The following ZNF385D variants were observed in gnomAD, a reference collection of about 807,000 sequenced individuals.
ZNF385D encodes zinc finger protein 385D.
ZNF385D carries 15 observed loss-of-function variants against 35.8 expected under a neutral mutation model. The observed-to-expected ratio is 0.42, with a 90% confidence interval of 0.28 to 0.64. The LOEUF is 0.64. Ranked by LOEUF, ZNF385D falls within the 30% of genes least tolerant of loss-of-function variation. ZNF385D has a pLI of 0.23. For missense variants in ZNF385D, 474 were observed against 494.6 expected, an observed-to-expected ratio of 0.96 and a Z score of 0.39; for synonymous variants, 212 against 186.8, an observed-to-expected ratio of 1.13 and a Z score of -1.10.
intron 3 of ZNF385D, among the ~76,000 whole-genome samples, chr3:21,550,861 C>A (rs2062543684): frequency 6.6e-6 from 1 of 152,170 alleles, no homozygotes; most frequent in African/African-American, 2.4e-5. Context: ...GGAGGGCTAT[C>A]AGGCCTTCAA....
intron 2 of ZNF385D, among the ~76,000 whole-genome samples, chr3:22,307,366 C>A (rs1038441566): frequency 1.3e-5 from 2 of 152,158 alleles, no homozygotes; most frequent in East Asian, 3.9e-4. Context: ...GAGTTTTAAT[C>A]ACAGAATTGA....
At chr3:21,611,837 G>C (rs1402948331) in intron 2 of ZNF385D, among the ~76,000 whole-genome samples, 1 of 151,956 alleles carries the variant, frequency 6.6e-6, no homozygotes, top group Non-Finnish European at 1.5e-5. Context: ...ACCAAGACCT[G>C]AGACCTGAGC....
In ZNF385D at chr3:22,001,154, G is replaced by A. The variant is rs563597466; in HGVS notation, c.325+167663C>T. Among the ~76,000 whole-genome samples the A allele has an allele frequency of 3.9e-5, 6 of 152,008 alleles. No homozygotes were observed. The East Asian group carries it at 7.7e-4, about 20-fold the overall frequency. The stretch of plus-strand genomic sequence containing the variant: ...AATAAGTCCTCACCTACCAATAATC[G>A]TCTTGAATATAAACAGACTAAATTC... On this transcript the variant is annotated intron_variant, in intron 3 of 5. Coordinates refer to the ZNF385D transcript ENST00000494108.
At chr3:21,720,262 T>A (rs34828563) in intron 1 of ZNF385D, among the ~76,000 whole-genome samples, 44,358 of 152,096 alleles carry the variant, frequency 0.29, 6,994 homozygotes, top group South Asian at 0.43. Flanking sequence ...GGGAAACTTG[T>A]TAGAAATACA....
chr3:21,998,224 G>A (rs913128528), intron 3 of ZNF385D, among the ~76,000 whole-genome samples: 2 of 152,020 alleles, frequency 1.3e-5, no homozygotes, highest in African/African-American at 4.8e-5. Context: ...TATAAATGTA[G>A]CCAGGCAGCA....
At chr3:21,942,304 T>C (rs1701562482) in intron 3 of ZNF385D, among the ~76,000 whole-genome samples, 1 of 152,226 alleles carries the variant, frequency 6.6e-6, no homozygotes, top group Non-Finnish European at 1.5e-5. Flanking sequence ...TAGATTTGAA[T>C]TCTTTCCCTA....
At chr3:22,304,910 A>G (rs1703120506) in intron 2 of ZNF385D, among the ~76,000 whole-genome samples, 1 of 151,908 alleles carries the variant, frequency 6.6e-6, no homozygotes. Flanking sequence ...TAATTCATTT[A>G]TTTTCCTTAT....
At chr3:21,544,303 A>C (rs1230176621) in intron 3 of ZNF385D, among the ~76,000 whole-genome samples, 3 of 152,230 alleles carry the variant, frequency 2.0e-5, no homozygotes, top group African/African-American at 7.2e-5. Flanking sequence ...AGAAGGCAAA[A>C]CGTGGCTGCA....
chr3:21,557,972 TG>T (rs2062800056), intron 3 of ZNF385D, among the ~76,000 whole-genome samples: 1 of 152,216 alleles, frequency 6.6e-6, no homozygotes, highest in Non-Finnish European at 1.5e-5. Flanking sequence ...GATGGTAGTT[TG>T]TATTTCTGTG....
chr3:22,165,300 C>T (rs762066501), intron 3 of ZNF385D, among the ~76,000 whole-genome samples: 8 of 152,094 alleles, frequency 5.3e-5, no homozygotes, highest in Non-Finnish European at 1.0e-4. Context: ...TGCTTGAACA[C>T]GAAACTATTC....
intron 2 of ZNF385D, among the ~76,000 whole-genome samples, chr3:21,652,854 A>G (rs1195478644): frequency 6.6e-6 from 1 of 152,224 alleles, no homozygotes; most frequent in Non-Finnish European, 1.5e-5. Flanking sequence ...TATAGATGAT[A>G]TACTAAATAA....
intron 3 of ZNF385D, among the ~76,000 whole-genome samples, chr3:21,813,741 G>T (rs947825154): frequency 1.4e-4 from 21 of 152,328 alleles, no homozygotes; most frequent in African/African-American, 5.1e-4. Flanking sequence ...GTACCTGACA[G>T]TGACGGGGAG....
intron 3 of ZNF385D, among the ~76,000 whole-genome samples, chr3:22,067,739 T>A (rs2695623): frequency 0.13 from 19,676 of 152,172 alleles, 1,566 homozygotes; most frequent in Middle Eastern, 0.22. Context: ...TACAAAAATA[T>A]CTGGCTGGGC....
At chr3:22,117,463 G>A (rs906931082) in intron 3 of ZNF385D, among the ~76,000 whole-genome samples, 1 of 151,988 alleles carries the variant, frequency 6.6e-6, no homozygotes, top group Admixed American at 6.6e-5. Context: ...TCTCTGGCTT[G>A]AGGAGGAAAA....
intron 2 of ZNF385D, among the ~76,000 whole-genome samples, chr3:21,636,927 G>A (rs1215680081): frequency 6.6e-6 from 1 of 151,812 alleles, no homozygotes; most frequent in Non-Finnish European, 1.5e-5. Flanking sequence ...CATGTCCTTA[G>A]CCCACTTTTT....
At chr3:22,112,207 C>T (rs1317830770) in intron 3 of ZNF385D, among the ~76,000 whole-genome samples, 1 of 152,090 alleles carries the variant, frequency 6.6e-6, no homozygotes, top group Non-Finnish European at 1.5e-5. Context: ...TGTTCCTATA[C>T]CTGATTAGCT....
intron 3 of ZNF385D, among the ~76,000 whole-genome samples, chr3:21,814,215 G>A (rs1360264753): frequency 2.6e-5 from 4 of 152,150 alleles, no homozygotes; most frequent in Non-Finnish European, 5.9e-5. Context: ...AACATGGAAA[G>A]GAACAACTGG....
At chr3:22,259,742 A>G (rs957419282) in intron 2 of ZNF385D, among the ~76,000 whole-genome samples, 1 of 151,996 alleles carries the variant, frequency 6.6e-6, no homozygotes, top group African/African-American at 2.4e-5. Context: ...GTCCTTATAT[A>G]GTTGGTACCA....
At chr3:22,142,452 G>C (rs111662901) in intron 3 of ZNF385D, among the ~76,000 whole-genome samples, 1 of 152,284 alleles carries the variant, frequency 6.6e-6, no homozygotes, top group African/African-American at 2.4e-5. Context: ...AATCAAACCA[G>C]ATGGTTTAAT....
Sources: gnomAD v4.1 joint callset for allele counts (sites outside exome capture counted in the v4.1 genomes callset) on GRCh38, gnomAD v4.1.1 for gene constraint, MANE v1.5 for transcripts, NCBI Gene and HGNC (gene_info 2026-07-23, HGNC 2026-07-21) for gene names.